HS3ST5: variants seen among roughly 807,000 people sequenced by gnomAD.
The protein encoded by HS3ST5 is heparan sulfate glucosamine 3-O-sulfotransferase 5.
A neutral mutation model predicts 25.4 loss-of-function variants in HS3ST5; 10 were observed. That is an observed-to-expected ratio of 0.39 (90% CI 0.24 to 0.67). The LOEUF (loss-of-function observed/expected upper bound fraction) is 0.67. HS3ST5 is among the 30% of genes least tolerant of loss of function. HS3ST5 has a pLI of 0.44. For synonymous variants in HS3ST5, 170 were observed against 162.4 expected, an observed-to-expected ratio of 1.05 and a Z score of -0.36; for missense variants, 324 against 420.7, an observed-to-expected ratio of 0.77 and a Z score of 2.01.
At chr6:114,230,870 G>A (rs1582740598) in intron 1 of HS3ST5, among the ~76,000 whole-genome samples, 2 of 151,946 alleles carry the variant, frequency 1.3e-5, no homozygotes, top group Non-Finnish European at 2.9e-5. Context: ...TTACAGGCTC[G>A]AGCCACCGCG....
intron 1 of HS3ST5, among the ~76,000 whole-genome samples, chr6:114,250,183 A>C (rs1002653346): frequency 1.3e-5 from 2 of 152,168 alleles, no homozygotes; most frequent in Non-Finnish European, 2.9e-5. Flanking sequence ...GGATGGGAGG[A>C]AATTGAATAC....
At chr6:114,308,112 G>A (rs1053525152) in intron 1 of HS3ST5, among the ~76,000 whole-genome samples, 2 of 152,084 alleles carry the variant, frequency 1.3e-5, no homozygotes, top group Non-Finnish European at 2.9e-5. Flanking sequence ...AGAGAAAAAT[G>A]ATCATTGTAA....
intron 2 of HS3ST5, among the ~76,000 whole-genome samples, chr6:114,200,744 T>A (rs1780975556): frequency 6.6e-6 from 1 of 152,138 alleles, no homozygotes; most frequent in Admixed American, 6.6e-5. Flanking sequence ...ATTTTTAAGA[T>A]TCTAATTATC....
At chr6:114,198,480 T>C (rs1582706069) in intron 2 of HS3ST5, among the ~76,000 whole-genome samples, 2 of 152,310 alleles carry the variant, frequency 1.3e-5, no homozygotes, top group East Asian at 3.9e-4. Flanking sequence ...AGGCACATAG[T>C]CATCAGAATT....
At chr6:114,124,869 G>A (rs529252046) in intron 3 of HS3ST5, among the ~76,000 whole-genome samples, 24 of 152,124 alleles carry the variant, frequency 1.6e-4, no homozygotes, top group Non-Finnish European at 2.5e-4. Flanking sequence ...TGGTAATAAA[G>A]AAAATATTCT....
intron 1 of HS3ST5, among the ~76,000 whole-genome samples, chr6:114,340,153 A>C (rs1776767390): frequency 1.3e-5 from 2 of 152,144 alleles, no homozygotes; most frequent in Non-Finnish European, 2.9e-5. Flanking sequence ...CATAATGAAA[A>C]CACTGGGCAA....
At chr6:114,209,167 C>T (rs1024635987) in intron 2 of HS3ST5, among the ~76,000 whole-genome samples, 1 of 152,098 alleles carries the variant, frequency 6.6e-6, no homozygotes, top group African/African-American at 2.4e-5. Flanking sequence ...TTCTTTTTTA[C>T]ATTCTGCATT....
At chr6:114,256,269 T>C (rs1359227145) in intron 1 of HS3ST5, among the ~76,000 whole-genome samples, 1 of 151,332 alleles carries the variant, frequency 6.6e-6, no homozygotes, top group Non-Finnish European at 1.5e-5. Context: ...GCGCCTGTAG[T>C]CCCAGCTACC....
intron 1 of HS3ST5, among the ~76,000 whole-genome samples, chr6:114,279,446 ATG>A (rs1297054773): frequency 6.6e-6 from 1 of 152,060 alleles, no homozygotes; most frequent in Non-Finnish European, 1.5e-5. Context: ...TCTGTGCTTT[ATG>A]TGTTATACAC....
chr6:114,305,599 G>T (rs755605664), intron 1 of HS3ST5, among the ~76,000 whole-genome samples: 1 of 152,102 alleles, frequency 6.6e-6, no homozygotes, highest in African/African-American at 2.4e-5. Flanking sequence ...TCATCACACA[G>T]ATTATTAAAA....
At chr6:114,209,882 G>C (rs1333449508) in intron 2 of HS3ST5, among the ~76,000 whole-genome samples, 1 of 152,118 alleles carries the variant, frequency 6.6e-6, no homozygotes, top group Non-Finnish European at 1.5e-5. Context: ...TCTCCTTTCA[G>C]GGTAATATAG....
chr6:114,282,641 T>A lies in HS3ST5; in HGVS notation c.-338-53863A>T, dbSNP rs530494027. Among the ~76,000 whole-genome samples the A allele has an allele frequency of 1.2e-4, 18 of 152,122 alleles. No individual in the cohort carries two copies. In the South Asian group the frequency reaches 3.5e-3, roughly 30 times the overall value. On this transcript the variant is annotated intron_variant, in intron 1 of 4. Coordinates refer to ENST00000312719, the MANE Select transcript of HS3ST5 (RefSeq NM_153612.4). ...TTAATACACTGTATTGAATGCTCTGTTTGGCCCACTGAGGTGCACTTGGAA... is the reference window on the plus strand; with the variant it reads ...TTAATACACTGTATTGAATGCTCTGATTGGCCCACTGAGGTGCACTTGGAA...
chr6:114,305,056 T>C (rs1337894090), intron 1 of HS3ST5, among the ~76,000 whole-genome samples: 1 of 152,120 alleles, frequency 6.6e-6, no homozygotes, highest in Non-Finnish European at 1.5e-5. Context: ...ATGTACTCTA[T>C]TACATTAAAA....
chr6:114,152,678 G>T (rs891287785), intron 3 of HS3ST5, among the ~76,000 whole-genome samples: 1 of 152,154 alleles, frequency 6.6e-6, no homozygotes, highest in African/African-American at 2.4e-5. Flanking sequence ...AGTTAGAGGG[G>T]CCAGCGCTGG....
intron 1 of HS3ST5, among the ~76,000 whole-genome samples, chr6:114,311,539 C>CTTTTTTTTTTTTTTTTTTTTTTTTTTTT (rs11463610): frequency 1.2e-5 from 1 of 84,880 alleles, no homozygotes; most frequent in Non-Finnish European, 2.1e-5. Context: ...TTCTCTCTCT[C>CTTTTTTTTTTTTTTTTTTTTTTTTTTTT]TTTTTTTTTT....
At chr6:114,109,660 C>T (rs1036872755) in intron 3 of HS3ST5, among the ~76,000 whole-genome samples, 1 of 152,166 alleles carries the variant, frequency 6.6e-6, no homozygotes, top group Non-Finnish European at 1.5e-5. Flanking sequence ...AGGACCTGGT[C>T]CATGGCTGCT....
chr6:114,314,109 G>T (rs1380125560), intron 1 of HS3ST5, among the ~76,000 whole-genome samples: 1 of 152,090 alleles, frequency 6.6e-6, no homozygotes, highest in Admixed American at 6.6e-5. Flanking sequence ...GTATTTCTTT[G>T]TAGAGATGGG....
intron 2 of HS3ST5, among the ~76,000 whole-genome samples, chr6:114,211,086 C>A (rs972532865): frequency 6.6e-6 from 1 of 152,158 alleles, no homozygotes; most frequent in African/African-American, 2.4e-5. Flanking sequence ...ATGTGACCAA[C>A]CTAGAGTAAG....
At chr6:114,176,016 C>T (rs1490234114) in intron 2 of HS3ST5, among the ~76,000 whole-genome samples, 1 of 152,102 alleles carries the variant, frequency 6.6e-6, no homozygotes, top group Non-Finnish European at 1.5e-5. Context: ...TTCTGGGCCT[C>T]CTGAGGCCAT....
Sources: allele counts gnomAD v4.1 joint callset (sites outside exome capture counted in the v4.1 genomes callset), GRCh38; gene constraint gnomAD v4.1.1; transcripts MANE v1.5; gene names NCBI Gene and HGNC (gene_info 2026-07-23, HGNC 2026-07-21).